Variants in C5orf63 observed in about 807,000 individuals in gnomAD.
C5orf63 encodes the protein chromosome 5 open reading frame 63.
A neutral mutation model predicts 13.3 loss-of-function variants in C5orf63; 18 were observed. That is an observed-to-expected ratio of 1.36 (90% CI 0.94 to 2.01). The LOEUF is 2.01. Among genes scored for constraint, C5orf63 ranks in the 30% most tolerant of loss-of-function variants. The pLI, the probability that C5orf63 is intolerant of heterozygous loss-of-function variation, is 0.00. For missense variants in C5orf63, 118 were observed against 127.7 expected (o/e 0.92, Z 0.36); for synonymous variants, 38 against 44.7 (o/e 0.85, Z 0.60).
At chr5:127,054,499 T>C (rs1753801880) in intron 3 of C5orf63, among the ~76,000 whole-genome samples, 1 of 152,238 alleles carries the variant, frequency 6.6e-6, no homozygotes, top group Non-Finnish European at 1.5e-5. Flanking sequence ...ATGATGAGCA[T>C]TTTTTCATGT....
At chr5:127,065,434 A>G (rs1754293999) in intron 2 of C5orf63, among the ~76,000 whole-genome samples, 1 of 152,242 alleles carries the variant, frequency 6.6e-6, no homozygotes. Context: ...AATATCTTAA[A>G]TCATTTCATT....
intron 3 of C5orf63, among the ~76,000 whole-genome samples, chr5:127,057,615 C>T (rs1753936600): frequency 6.6e-6 from 1 of 152,196 alleles, no homozygotes; most frequent in Non-Finnish European, 1.5e-5. Flanking sequence ...CTTGCAACCC[C>T]CAAGTCAATA....
At chr5:127,052,305 A>G (rs57285842) in intron 4 of C5orf63, 25,935 of 331,944 alleles carry the variant, frequency 0.078, 1,895 homozygotes, top group African/African-American at 0.25. Context: ...AAAACACATC[A>G]GTGCAAACTG....
chr5:127,051,515 A>G lies in C5orf63; in HGVS notation c.*256T>C, dbSNP rs1480832887. On this transcript the variant is annotated 3_prime_UTR_variant, in exon 5 of 5. Coordinates refer to ENST00000296662, the MANE Select transcript of C5orf63 (RefSeq NM_001164478.2). ...AATACAAAAAGGATAAATAAGACAAATGGACTTCTCCCTCCCTCCATCATC... is the reference window on the plus strand; with the variant it reads ...AATACAAAAAGGATAAATAAGACAAGTGGACTTCTCCCTCCCTCCATCATC... The G allele has an allele frequency of 2.4e-6, 3 of 1,237,968 alleles. No homozygotes were observed. Among genetic ancestry groups the G allele is most frequent in the Admixed American group, 8.2e-5 (2 of 24,494 alleles). The allele number at this position is 1,237,968 out of a possible 1,614,324, so 76.7% of individuals were successfully genotyped here.
downstream of C5orf63, chr5:127,046,450 A>G (rs1318929851): frequency 6.6e-6 from 1 of 152,216 alleles, no homozygotes; most frequent in Non-Finnish European, 1.5e-5. Context: ...TCATGTCCTT[A>G]TTACTCCTAT....
intron 2 of C5orf63, among the ~76,000 whole-genome samples, chr5:127,068,358 T>C (rs1754405677): frequency 6.6e-6 from 1 of 152,138 alleles, no homozygotes; most frequent in Admixed American, 6.5e-5. Context: ...GGCAGAAGTG[T>C]AAAGATACTT....
At chr5:127,051,194 T>G, downstream of C5orf63, 1 of 665,816 alleles carries the variant, frequency 1.5e-6, no homozygotes, top group Non-Finnish European at 2.1e-6. Context: ...TTTGTTTTTC[T>G]CAAATGATGC....
intron 3 of C5orf63, among the ~76,000 whole-genome samples, chr5:127,054,305 C>A (rs186987762): frequency 2.6e-5 from 4 of 152,118 alleles, no homozygotes; most frequent in African/African-American, 9.7e-5. Flanking sequence ...CTTGAGGAAT[C>A]GCCACACTGT....
At position 127,051,853 on chromosome 5, in the gene C5orf63, T is replaced by C. The variant is rs1344763900; in HGVS notation, c.266A>G (p.Gln89Arg). The C allele has an allele frequency of 7.2e-6, 11 of 1,536,074 alleles. No homozygotes were observed. The highest frequency in any genetic ancestry group is 9.6e-6 in the Non-Finnish European group (11 of 1,146,398). ...FDIPVFHLNGQFLMMHRVNTS... is the reference protein window; with the variant it reads ...FDIPVFHLNGRFLMMHRVNTS... ...GTTTACTCGATGCATCATCAGAAAC[T>C]GGCCATTCAAGTGAAAGACAGGAAT... Residue 89 changes from glutamine (Q) to arginine (R), a missense_variant, in exon 5 of 5, where the codon CAG (glutamine) becomes CGG (arginine). Physicochemically the swap from Gln to Arg is conservative, Grantham distance 43 (BLOSUM62 1). Transcript: ENST00000296662.
downstream of C5orf63, chr5:127,044,769 C>CTTTTTTTTT (rs5871239): frequency 1.6e-5 from 2 of 127,900 alleles, no homozygotes. Context: ...TCATTCTATG[C>CTTTTTTTTT]TTTTTTTTTT....
At chr5:127,056,434 G>C (rs1178565913) in intron 3 of C5orf63, 1 of 153,274 alleles carries the variant, frequency 6.5e-6, no homozygotes, top group Non-Finnish European at 1.5e-5. Context: ...AATGATGGCG[G>C]AAGGCAAGGA....
intron 2 of C5orf63, among the ~76,000 whole-genome samples, chr5:127,066,226 C>T (rs561574132): frequency 6.6e-6 from 1 of 152,148 alleles, no homozygotes; most frequent in South Asian, 2.1e-4. Flanking sequence ...CATCAGATCA[C>T]GTAGGCCTTG....
intron 2 of C5orf63, among the ~76,000 whole-genome samples, chr5:127,068,201 C>T (rs543194714): frequency 7.2e-5 from 11 of 152,238 alleles, no homozygotes; most frequent in Admixed American, 2.6e-4. Flanking sequence ...TTCTCCTGAT[C>T]AGAGAAGGGG....
downstream of C5orf63, among the ~76,000 whole-genome samples, chr5:127,050,929 G>A (rs937495574): frequency 6.6e-6 from 1 of 152,118 alleles, no homozygotes; most frequent in Admixed American, 6.5e-5. Context: ...ATAAGGGTAC[G>A]CAAATACATT....
In C5orf63 at chr5:127,051,412, C is replaced by T; in HGVS notation, c.*359G>A. 1 of 1,232,944 alleles carries T rather than the reference C, an allele frequency of 8.1e-7. No homozygotes were observed. Among genetic ancestry groups the T allele is most frequent in the Non-Finnish European group, 1.0e-6 (1 of 988,674 alleles). 76.4% of individuals were successfully genotyped at this position (1,232,944 alleles called of 1,614,324 possible). A position where few individuals can be genotyped will look rare whatever the true frequency, so the allele number is the denominator to read the frequency against. ...TATTCTTTCATTAAAAAGTTAAGCC[C>T]TCCGGGGCAGCAGCAGGAATGCAGA... is the stretch of plus-strand genomic sequence containing the variant. On this transcript the variant is annotated 3_prime_UTR_variant, in exon 5 of 5. Transcript: ENST00000296662.
rs1754546300 is a variant in C5orf63, at chr5:127,071,621, A to T, written c.-45T>A. 6.6e-6 allele frequency: 1 copy of T among 152,230 alleles called. No individual in the cohort carries two copies. The highest frequency in any genetic ancestry group is 2.1e-4 in the South Asian group (1 of 4,834). The allele number at this position is 152,230 out of a possible 1,614,324, so 9.4% of individuals were successfully genotyped here. A position where few individuals can be genotyped will look rare whatever the true frequency, so the allele number is the denominator to read the frequency against. ...ATTTCTCCCCTTCGAAATAATTGCA[A>T]ACAAGATTAAAACTGTATTCAGGAA... On this transcript the variant is annotated 5_prime_UTR_variant, in exon 2 of 5. The change creates a new upstream start codon in the 5' untranslated region. Transcript: ENST00000296662.
intron 4 of C5orf63, 55 bp downstream of exon 4, chr5:127,052,557 TA>T (rs1753718052): frequency 8.2e-7 from 1 of 1,220,610 alleles, no homozygotes; most frequent in South Asian, 2.0e-5. Flanking sequence ...GCAGATACTT[TA>T]TACCACATCT....
intron 3 of C5orf63, among the ~76,000 whole-genome samples, chr5:127,055,181 C>G (rs1156938805): frequency 1.8e-4 from 27 of 152,072 alleles, no homozygotes; most frequent in Admixed American, 1.8e-3. Context: ...GCCATACTGC[C>G]CAAGGTAATT....
chr5:127,066,486 T>TAAAGA (rs1429985678), intron 2 of C5orf63, among the ~76,000 whole-genome samples: 1 of 151,528 alleles, frequency 6.6e-6, no homozygotes, highest in African/African-American at 2.4e-5. Context: ...CATGAGGAAT[T>TAAAGA]AAAGAAAAGA....
Sources: gnomAD v4.1 joint callset for allele counts (sites outside exome capture counted in the v4.1 genomes callset) on GRCh38, gnomAD v4.1.1 for gene constraint, MANE v1.5 for transcripts, NCBI Gene and HGNC (gene_info 2026-07-23, HGNC 2026-07-21) for gene names.